The following LGR6 variants were observed in gnomAD, a reference collection of about 807,000 sequenced individuals.
LGR6 encodes leucine-rich repeat-containing G protein-coupled receptor 6.
In LGR6, 45 loss-of-function variants were observed where a neutral mutation model predicts 69.4. The observed-to-expected ratio is 0.65, with a 90% CI of 0.51 to 0.83. The LOEUF (loss-of-function observed/expected upper bound fraction) is 0.83, where lower values mean the gene tolerates loss of function less well. LGR6 is among the 40% of genes least tolerant of loss of function. The probability of loss-of-function intolerance (pLI) is 0.00; values close to 1 mark genes in which losing one functional copy is unlikely to be tolerated. For synonymous variants in LGR6, 538 were observed against 555.0 expected (o/e 0.97, Z 0.43); for missense variants, 1,108 against 1,246.7 (o/e 0.89, Z 1.68).
intron 4 of LGR6, among the ~76,000 whole-genome samples, chr1:202,257,817 A>C (rs1663899067): frequency 6.6e-6 from 1 of 152,080 alleles, no homozygotes; most frequent in South Asian, 2.1e-4. Flanking sequence ...TTTCCATATA[A>C]ATTTTAGAAT....
At chr1:202,255,253 C>T (rs1663668320) in intron 4 of LGR6, among the ~76,000 whole-genome samples, 2 of 152,170 alleles carry the variant, frequency 1.3e-5, no homozygotes, top group Admixed American at 1.3e-4. Flanking sequence ...CCATAGTGGA[C>T]CCCAGAGCTT....
In LGR6 at chr1:202,285,040, C is replaced by T. The variant is rs1457539252; in HGVS notation, c.716+4188C>T. 3.3e-5 allele frequency among the ~76,000 whole-genome samples: 5 copies of T among 152,312 alleles called. No homozygotes were observed. The East Asian group carries it at 7.7e-4, about 24-fold the overall frequency. On this transcript the variant is annotated intron_variant, in intron 6 of 17. Coordinates refer to ENST00000367278, the MANE Select transcript of LGR6 (RefSeq NM_001017403.2). ...CTCTCTCTAAATCAGGACCAGCATT[C>T]AACAGGGGCCTGGGACAGGAAGAGG...
chr1:202,208,896 C>T (rs1323087156), intron 1 of LGR6, among the ~76,000 whole-genome samples: 21 of 152,102 alleles, frequency 1.4e-4, no homozygotes, highest in Admixed American at 9.8e-4. Context: ...GAGCAAATGG[C>T]CCTAGAGCCA....
rs188772534 is a variant in LGR6 at position 202,256,356 on chromosome 1, G to T, written c.429-19950G>T. ...TCTCCCGGGTTCAAGCGATTCTCCC[G>T]CCTCAGCCTCCCAAGTAGCTGGGAT... On this transcript the variant is annotated intron_variant, in intron 4 of 17. Transcript: ENST00000367278. Among the ~76,000 whole-genome samples the T allele has an allele frequency of 2.0e-4, 30 of 152,064 alleles. No homozygotes were observed. The East Asian group carries it at 5.4e-3, about 27-fold the overall frequency.
At chr1:202,309,705 C>A (rs1653558868) in intron 15 of LGR6, among the ~76,000 whole-genome samples, 1 of 152,266 alleles carries the variant, frequency 6.6e-6, no homozygotes, top group Non-Finnish European at 1.5e-5. Context: ...TGCACTTACC[C>A]TCAGAGGGCA....
intron 15 of LGR6, among the ~76,000 whole-genome samples, chr1:202,309,468 T>C (rs904828681): frequency 1.4e-4 from 21 of 152,344 alleles, no homozygotes; most frequent in Admixed American, 1.1e-3. Flanking sequence ...CTAGCCCTCC[T>C]TGCACCCCAT....
In LGR6 at chr1:202,314,882, G is replaced by A. The variant is rs1441574798; in HGVS notation, c.1648G>A (p.Gly550Ser). Reference protein sequence around the residue: ...HPSVQCSPTPGPFKPCEYLFE... With the variant: ...HPSVQCSPTPSPFKPCEYLFE... ...CAGTGTCCAGTGTAGCCCTACTCCA[G>A]GTGAGGTGGTGTCTGGGGAATGGGG... is the stretch of plus-strand genomic sequence containing the variant. Residue 550 changes from glycine (G) to serine (S), a missense_variant and splice_region_variant, in exon 17 of 18, where the codon GGC becomes AGC. Transcript: ENST00000367278. 1.2e-6 allele frequency: 2 copies of A among 1,612,098 alleles called. No individual in the cohort carries two copies. Among genetic ancestry groups the A allele is most frequent in the Non-Finnish European group, 1.7e-6 (2 of 1,178,214 alleles).
chr1:202,280,938 G>A (rs1665953624), intron 6 of LGR6, 86 bp downstream of exon 6: 30 of 1,265,600 alleles, frequency 2.4e-5, no homozygotes, highest in Non-Finnish European at 3.2e-5. Context: ...ACAGAGGGAA[G>A]AGCCAGCAGT....
rs1659615039 is a variant in LGR6, at chr1:202,214,348, C to A, written c.213-11075C>A. 1.5e-5 allele frequency: 16 copies of A among 1,079,820 alleles called. No homozygotes were observed. The South Asian group carries it at 2.5e-4, about 17-fold the overall frequency. The allele number at this position is 1,079,820 out of a possible 1,614,324, so 66.9% of individuals were successfully genotyped here. A position where few individuals can be genotyped will look rare whatever the true frequency, so the allele number is the denominator to read the frequency against. ...ACGGGTGGGGCGCTACCCGGGCCGG[C>A]CCTAATCCCCTTCCATTGTTCTGGG... On this transcript the variant is annotated intron_variant, in intron 1 of 17. Transcript: ENST00000367278.
intron 4 of LGR6, among the ~76,000 whole-genome samples, chr1:202,256,767 T>C (rs1003698078): frequency 6.6e-6 from 1 of 152,240 alleles, no homozygotes; most frequent in African/African-American, 2.4e-5. Context: ...AGAAACTCTA[T>C]GTAAAACTTT....
intron 6 of LGR6, among the ~76,000 whole-genome samples, chr1:202,291,208 T>C (rs1272191030): frequency 6.6e-6 from 1 of 152,204 alleles, no homozygotes; most frequent in East Asian, 1.9e-4. Context: ...GGAAGTGGTT[T>C]CTCTTTAACT....
intron 1 of LGR6, among the ~76,000 whole-genome samples, chr1:202,214,400 A>G (rs1306268941): frequency 6.7e-6 from 1 of 148,748 alleles, no homozygotes; most frequent in Non-Finnish European, 1.5e-5. Flanking sequence ...CCACTTCCGG[A>G]CCCTTTCAGC....
chr1:202,196,570 C>T (rs1433375257), intron 1 of LGR6, among the ~76,000 whole-genome samples: 1 of 152,230 alleles, frequency 6.6e-6, no homozygotes, highest in Non-Finnish European at 1.5e-5. Flanking sequence ...GAATCACTCA[C>T]TGAACACCTC....
chr1:202,235,009 TTCC>T (rs968069247), intron 3 of LGR6, among the ~76,000 whole-genome samples: 2 of 152,214 alleles, frequency 1.3e-5, no homozygotes, highest in Non-Finnish European at 2.9e-5. Context: ...CTGGAGGGTT[TTCC>T]TCCTATGTCT....
At position 202,318,166 on chromosome 1, in the gene LGR6, C is replaced by T. The variant is rs200282490; in HGVS notation, c.1863C>T (p.Val621=). Residue 621 remains valine (V), a synonymous_variant, in exon 18 of 18, where the codon GTC becomes GTT. Transcript: ENST00000367278. The stretch of plus-strand genomic sequence containing the variant: ...TTTCCTGTGGCCTTCTAGCCTCAGT[C>T]GATGCCCTGACCTTTGGTCAGTTCT... The part of the protein sequence containing the change: ...TGISCGLLAS[V]DALTFGQFSE... 8.1e-6 allele frequency: 13 copies of T among 1,613,730 alleles called. No homozygotes were observed. The highest frequency in any genetic ancestry group is 2.2e-5 in the South Asian group (2 of 91,068).
At chr1:202,197,139 C>T (rs1372950334) in intron 1 of LGR6, 1 of 524,124 alleles carries the variant, frequency 1.9e-6, no homozygotes, top group Admixed American at 2.0e-5. Flanking sequence ...TTGCACATTC[C>T]TTGACCTGGT....
chr1:202,308,631 G>A (rs1325704284), intron 14 of LGR6, among the ~76,000 whole-genome samples: 1 of 152,168 alleles, frequency 6.6e-6, no homozygotes, highest in African/African-American at 2.4e-5. Flanking sequence ...CATCAGAAAA[G>A]TAGGAGGAAA....
intron 4 of LGR6, among the ~76,000 whole-genome samples, chr1:202,241,868 C>T (rs1279175196): frequency 4.6e-5 from 7 of 152,170 alleles, no homozygotes; most frequent in African/African-American, 1.4e-4. Context: ...AGGACAGCCA[C>T]ATGAAACTAG....
At chr1:202,204,991 AAC>A (rs1168191744) in intron 1 of LGR6, among the ~76,000 whole-genome samples, 1 of 13,218 alleles carries the variant, frequency 7.6e-5, no homozygotes, top group Non-Finnish European at 1.4e-4. Context: ...ACCTCCTTCA[AAC>A]ACACACACAC....
Sources: allele counts gnomAD v4.1 joint callset (sites outside exome capture counted in the v4.1 genomes callset), GRCh38; gene constraint gnomAD v4.1.1; transcripts MANE v1.5; gene names NCBI Gene and HGNC (gene_info 2026-07-23, HGNC 2026-07-21).